The following GPHN variants were observed in gnomAD, a reference collection of about 807,000 sequenced individuals.
The protein encoded by GPHN is gephyrin.
A neutral mutation model predicts 95.5 loss-of-function variants in GPHN; 17 were observed. The ratio of observed to expected loss-of-function variants is 0.18; its 90% confidence interval spans 0.12 to 0.27. GPHN has a LOEUF of 0.27. Ranked by LOEUF, GPHN falls within the 10% of genes least tolerant of loss-of-function variation. The pLI is 1.00. For synonymous variants in GPHN, 320 were observed against 322.5 expected (o/e 0.99, Z 0.08); for missense variants, 660 against 978.1 (o/e 0.67, Z 4.34).
chr14:66,602,600 C>T (rs1360874929), intron 1 of GPHN, among the ~76,000 whole-genome samples: 1 of 151,886 alleles, frequency 6.6e-6, no homozygotes, highest in Non-Finnish European at 1.5e-5. Context: ...TTCATAAAAT[C>T]TGAAGTTAGG....
chr14:66,967,296 G>A (rs906163624), intron 9 of GPHN, among the ~76,000 whole-genome samples: 1 of 151,976 alleles, frequency 6.6e-6, no homozygotes, highest in South Asian at 2.1e-4. Context: ...TAGGCATCTG[G>A]AAATAACGTT....
chr14:67,342,350 A>G, the GPHN span, among the ~76,000 whole-genome samples: 2 of 151,980 alleles, frequency 1.3e-5, no homozygotes, highest in African/African-American at 4.8e-5. Flanking sequence ...CTATTGGACC[A>G]TAACAAATAC....
intron 6 of GPHN, among the ~76,000 whole-genome samples, chr14:66,918,191 A>C (rs76431949): frequency 0.033 from 5,032 of 152,314 alleles, 100 homozygotes; most frequent in Middle Eastern, 0.051. Context: ...TAACAGAAGT[A>C]ACAAATGAGG....
intron 1 of GPHN, among the ~76,000 whole-genome samples, chr14:66,589,072 CA>C (rs1326470715): frequency 6.6e-6 from 1 of 151,900 alleles, no homozygotes; most frequent in East Asian, 1.9e-4. Flanking sequence ...GAGTGGGGGC[CA>C]ATATTCAACC....
At chr14:67,085,091 T>C (rs547212830) in intron 11 of GPHN, among the ~76,000 whole-genome samples, 1 of 152,386 alleles carries the variant, frequency 6.6e-6, no homozygotes, top group South Asian at 2.1e-4. Context: ...TTGTCATACA[T>C]ACATTTTTCT....
rs2068581614 is a variant in GPHN at position 66,701,821 on chromosome 14, C to G, written c.143+20636C>G. On this transcript the variant is annotated intron_variant, in intron 2 of 22. Coordinates refer to ENST00000478722, the MANE Select transcript of GPHN (RefSeq NM_020806.5). The stretch of plus-strand genomic sequence containing the variant: ...CACCACAGCTATGGCTGCCTACTGT[C>G]TAAGCCATTTGAGATCCTTGGGGTA... Among the ~76,000 whole-genome samples the G allele has an allele frequency of 3.3e-5, 5 of 152,332 alleles. No homozygotes were observed. The South Asian group carries it at 1.0e-3, about 32-fold the overall frequency.
chr14:67,373,399 G>A, the GPHN span, among the ~76,000 whole-genome samples: 90 of 152,270 alleles, frequency 5.9e-4, no homozygotes, highest in Middle Eastern at 6.8e-3. Flanking sequence ...AATATAGGAG[G>A]AAAACTACAA....
intron 13 of GPHN, among the ~76,000 whole-genome samples, chr14:67,103,267 G>T (rs1320453152): frequency 6.6e-6 from 1 of 152,082 alleles, no homozygotes; most frequent in African/African-American, 2.4e-5. Context: ...CTATAGCTTT[G>T]TAGTATATTT....
chr14:67,225,921 C>CTGTGTGTGTGTG, the GPHN span, among the ~76,000 whole-genome samples: 1 of 85,090 alleles, frequency 1.2e-5, no homozygotes, highest in South Asian at 3.8e-4. Flanking sequence ...AAAGCTAATG[C>CTGTGTGTGTGTG]TGTGAGTGTG....
At chr14:66,565,949 C>T (rs1196701517) in intron 1 of GPHN, among the ~76,000 whole-genome samples, 2 of 145,450 alleles carry the variant, frequency 1.4e-5, no homozygotes, top group African/African-American at 5.4e-5. Flanking sequence ...AGAGCAAAAC[C>T]AAAAGTAAAA....
At chr14:67,206,442 G>A in the GPHN span, among the ~76,000 whole-genome samples, 4 of 152,164 alleles carry the variant, frequency 2.6e-5, no homozygotes, top group African/African-American at 7.2e-5. Flanking sequence ...GTTGCAGTGA[G>A]CCAAGATTGT....
the GPHN span, among the ~76,000 whole-genome samples, chr14:67,358,157 T>TA: frequency 6.6e-6 from 1 of 152,058 alleles, no homozygotes; most frequent in Non-Finnish European, 1.5e-5. Flanking sequence ...TGCTAGAAGA[T>TA]AAACTAGTGT....
intron 1 of GPHN, among the ~76,000 whole-genome samples, chr14:66,578,428 A>C (rs1279187517): frequency 6.6e-6 from 1 of 151,932 alleles, no homozygotes; most frequent in Non-Finnish European, 1.5e-5. Flanking sequence ...AAACATTCAT[A>C]AACTAGGGAC....
intron 1 of GPHN, among the ~76,000 whole-genome samples, chr14:66,547,885 AG>A (rs1451978801): frequency 6.6e-6 from 1 of 152,230 alleles, no homozygotes; most frequent in Non-Finnish European, 1.5e-5. Flanking sequence ...TAAATATAAA[AG>A]TGCCATAAAA....
the GPHN span, among the ~76,000 whole-genome samples, chr14:67,413,105 A>C: frequency 6.6e-6 from 1 of 152,100 alleles, no homozygotes; most frequent in Admixed American, 6.6e-5. Flanking sequence ...ATCAAAATTA[A>C]TGTCAAAAAA....
chr14:66,979,742 A>G (rs542322699), intron 9 of GPHN, among the ~76,000 whole-genome samples: 1 of 152,320 alleles, frequency 6.6e-6, no homozygotes, highest in Admixed American at 6.5e-5. Context: ...GCTGTTTGAC[A>G]CAAGTAGCCT....
the GPHN span, among the ~76,000 whole-genome samples, chr14:67,248,423 G>A: frequency 6.6e-6 from 1 of 151,952 alleles, no homozygotes; most frequent in Non-Finnish European, 1.5e-5. Context: ...GTAGAGTCAA[G>A]GTATTCATTA....
chr14:67,381,798 G>T, the GPHN span: 2 of 777,762 alleles, frequency 2.6e-6, no homozygotes, highest in South Asian at 2.0e-5. Context: ...TAACAAAAGT[G>T]GGTTTTTTAC....
chr14:67,038,217 C>T (rs1385707906), intron 10 of GPHN, among the ~76,000 whole-genome samples: 2 of 152,000 alleles, frequency 1.3e-5, no homozygotes, highest in African/African-American at 4.8e-5. Flanking sequence ...AAAACTAATA[C>T]TTCATGGTTC....
Sources: gnomAD v4.1 joint callset for allele counts (sites outside exome capture counted in the v4.1 genomes callset) on GRCh38, gnomAD v4.1.1 for gene constraint, MANE v1.5 for transcripts, NCBI Gene and HGNC (gene_info 2026-07-23, HGNC 2026-07-21) for gene names.